The following ZNF469 variants were observed in gnomAD, a reference collection of about 807,000 sequenced individuals.
The protein encoded by ZNF469 is zinc finger protein 469.
In ZNF469, 1 loss-of-function variant was observed where a neutral mutation model predicts 1.0. That is an observed-to-expected ratio of 1.00 (90% CI 0.35 to 4.73). The LOEUF (loss-of-function observed/expected upper bound fraction) is 4.73, where lower values mean the gene tolerates loss of function less well. Ranked by LOEUF, ZNF469 falls within the 30% of genes most tolerant of loss-of-function variation. The pLI is 0.16. For missense variants in ZNF469, 6,100 were observed against 5,356.3 expected (o/e 1.14, Z -4.33); for synonymous variants, 2,703 against 2,363.4 (o/e 1.14, Z -4.17).
chr16:88,236,606 C>A, the ZNF469 span, among the ~76,000 whole-genome samples: 1 of 152,248 alleles, frequency 6.6e-6, no homozygotes, highest in South Asian at 2.1e-4. Flanking sequence ...GTATCTCACG[C>A]CTGTAATCCC....
At chr16:88,305,128 A>C in the ZNF469 span, among the ~76,000 whole-genome samples, 1 of 152,160 alleles carries the variant, frequency 6.6e-6, no homozygotes, top group African/African-American at 2.4e-5. Context: ...AGAAACTCCC[A>C]GTCCTTCTGA....
chr16:88,439,438 T>G lies in ZNF469; in HGVS notation c.*106T>G. ...ATGGTCCACTCTGTGGCCACTTGAC[T>G]TCTTGTGCAACTGCTCAGGCCTTGA... On this transcript the variant is annotated 3_prime_UTR_variant, in exon 3 of 3. Transcript: ENST00000565624. The G allele has an allele frequency of 7.8e-7, 1 of 1,275,422 alleles. No homozygotes were observed. 79.0% of individuals were successfully genotyped at this position (1,275,422 alleles called of 1,614,324 possible).
rs552052800 is a variant in ZNF469, at chr16:88,439,642, C to T, written c.*310C>T. 19 of 404,862 alleles carry T rather than the reference C, an allele frequency of 4.7e-5. No individual in the cohort carries two copies. Among genetic ancestry groups the T allele is most frequent in the Non-Finnish European group, 7.3e-5 (16 of 218,820 alleles). The allele number at this position is 404,862 out of a possible 1,614,324, so 25.1% of individuals were successfully genotyped here. On this transcript the variant is annotated 3_prime_UTR_variant, in exon 3 of 3. Coordinates refer to ENST00000565624, the MANE Select transcript of ZNF469 (RefSeq NM_001367624.2). ...CCCATCCCCTCAGCCCACACCCCTG[C>T]GCCCTGTGGGCACCGACACCACAGA... is the stretch of plus-strand genomic sequence containing the variant.
At chr16:88,325,539 C>T in the ZNF469 span, among the ~76,000 whole-genome samples, 1 of 152,236 alleles carries the variant, frequency 6.6e-6, no homozygotes, top group Admixed American at 6.5e-5. Flanking sequence ...TGTGTGGTGG[C>T]GCCAAGCCCA....
chr16:88,232,465 C>G, the ZNF469 span, among the ~76,000 whole-genome samples: 1 of 152,290 alleles, frequency 6.6e-6, no homozygotes, highest in East Asian at 1.9e-4. Flanking sequence ...TGTCCAGGCA[C>G]TGGCCACTGC....
At chr16:88,157,799 GTTA>G in the ZNF469 span, among the ~76,000 whole-genome samples, 54 of 152,140 alleles carry the variant, frequency 3.5e-4, no homozygotes, top group African/African-American at 1.3e-3. Context: ...GTGTGTCATT[GTTA>G]TATGACCGTG....
At chr16:88,373,393 G>A in the ZNF469 span, among the ~76,000 whole-genome samples, 28 of 152,278 alleles carry the variant, frequency 1.8e-4, no homozygotes, top group African/African-American at 6.5e-4. Flanking sequence ...TCTCAGGATG[G>A]GGTGTTGAGC....
the ZNF469 span, among the ~76,000 whole-genome samples, chr16:88,187,632 G>A: frequency 1.3e-5 from 2 of 151,242 alleles, no homozygotes; most frequent in East Asian, 3.9e-4. Flanking sequence ...TCTGTAAATT[G>A]AATCTCAGAA....
the ZNF469 span, among the ~76,000 whole-genome samples, chr16:88,373,461 G>A: frequency 3.3e-5 from 5 of 152,140 alleles, no homozygotes; most frequent in Admixed American, 2.0e-4. Context: ...GGGAGGCCAC[G>A]CAGAACAGAA....
At chr16:88,282,929 C>G in the ZNF469 span, among the ~76,000 whole-genome samples, 18 of 152,162 alleles carry the variant, frequency 1.2e-4, no homozygotes, top group Non-Finnish European at 2.4e-4. Context: ...CTCAAGCTCC[C>G]AGAGCAGCCC....
the ZNF469 span, among the ~76,000 whole-genome samples, chr16:88,277,550 C>T: frequency 6.6e-6 from 1 of 151,082 alleles, no homozygotes; most frequent in East Asian, 1.9e-4. Context: ...CACGCCGACA[C>T]TCGGTCAGTA....
At chr16:88,162,677 C>T in the ZNF469 span, among the ~76,000 whole-genome samples, 1 of 151,162 alleles carries the variant, frequency 6.6e-6, no homozygotes, top group Non-Finnish European at 1.5e-5. Flanking sequence ...AGTGCCCCCC[C>T]CCTTTTATTC....
the ZNF469 span, among the ~76,000 whole-genome samples, chr16:88,239,654 ATTTTTTT>A: frequency 8.6e-5 from 4 of 46,430 alleles, no homozygotes; most frequent in African/African-American, 2.8e-4. Flanking sequence ...CGCCCGGCTT[ATTTTTTT>A]TTTTTGTATA....
chr16:88,381,042 A>ACTCACACAGACACGCT, upstream of ZNF469, among the ~76,000 whole-genome samples: 1 of 147,702 alleles, frequency 6.8e-6, no homozygotes, highest in African/African-American at 2.5e-5. Flanking sequence ...ACACACATGC[A>ACTCACACAGACACGCT]CTCACACAGA....
At chr16:88,101,041 C>T in the ZNF469 span, 56 of 217,418 alleles carry the variant, frequency 2.6e-4, no homozygotes, top group South Asian at 3.1e-3. Context: ...AGGGGATGGG[C>T]GCCGGCAGAC....
At chr16:88,399,975 C>T (rs1904808374) in intron 1 of ZNF469, among the ~76,000 whole-genome samples, 1 of 152,264 alleles carries the variant, frequency 6.6e-6, no homozygotes, top group Non-Finnish European at 1.5e-5. Context: ...CTCCACCTCC[C>T]TGGGCCTGGA....
chr16:88,287,585 A>T, the ZNF469 span, among the ~76,000 whole-genome samples: 2 of 152,228 alleles, frequency 1.3e-5, no homozygotes, highest in Non-Finnish European at 2.9e-5. Context: ...GGATCATTTT[A>T]TCACAATTAT....
At chr16:88,248,802 C>A in the ZNF469 span, among the ~76,000 whole-genome samples, 1 of 152,192 alleles carries the variant, frequency 6.6e-6, no homozygotes, top group South Asian at 2.1e-4. Flanking sequence ...CCAGTAGTAG[C>A]AGAGCGGGGA....
the ZNF469 span, among the ~76,000 whole-genome samples, chr16:88,346,807 A>C: frequency 2.0e-5 from 3 of 152,332 alleles, no homozygotes; most frequent in African/African-American, 7.2e-5. Context: ...TCAGGCAGCG[A>C]GCTGGCCCTG....
Sources: allele counts gnomAD v4.1 joint callset (sites outside exome capture counted in the v4.1 genomes callset), GRCh38; gene constraint gnomAD v4.1.1; transcripts MANE v1.5; gene names NCBI Gene and HGNC (gene_info 2026-07-23, HGNC 2026-07-21).